The following MECOM variants were observed in gnomAD, a reference collection of about 807,000 sequenced individuals.
MECOM encodes the protein histone-lysine N-methyltransferase MECOM.
MECOM carries 13 observed loss-of-function variants against 116.3 expected under a neutral mutation model. That is an observed-to-expected ratio of 0.11 (90% CI 0.07 to 0.18). The LOEUF is 0.18. Ranked by LOEUF, MECOM falls within the 10% of genes least tolerant of loss-of-function variation. MECOM has a pLI of 1.00. For missense variants in MECOM, 1,299 were observed against 1,509.0 expected, an observed-to-expected ratio of 0.86 and a Z score of 2.31; for synonymous variants, 528 against 535.2, an observed-to-expected ratio of 0.99 and a Z score of 0.19.
chr3:169,305,902 G>A (rs749381436), intron 2 of MECOM, among the ~76,000 whole-genome samples: 10 of 151,476 alleles, frequency 6.6e-5, no homozygotes, highest in Non-Finnish European at 1.3e-4. Context: ...TGTAACAATG[G>A]CAGTTATTGG....
At chr3:169,529,726 T>C (rs1420270032) in intron 1 of MECOM, among the ~76,000 whole-genome samples, 5 of 152,202 alleles carry the variant, frequency 3.3e-5, no homozygotes, top group Non-Finnish European at 4.4e-5. Context: ...AGTGCTAACC[T>C]CACCCCTTAG....
chr3:169,116,439 C>G lies in MECOM; in HGVS notation c.1433G>C (p.Gly478Ala), dbSNP rs770615542. ...DYFGANRHPAGLTFPTAPGFS... is the reference protein window; with the variant it reads ...DYFGANRHPAALTFPTAPGFS... ...TCCAGGAGCTGTTGGAAAGGTAAGA[C>G]CAGCAGGATGCCTATTGGCGCCAAA... Residue 478 changes from glycine (G) to alanine (A), a missense_variant, in exon 8 of 17, where the codon GGT becomes GCT. Around this residue, in one of 6 missense-constraint regions of MECOM, gnomAD observed 238 missense variants for 273.1 expected, o/e 0.87. Coordinates refer to ENST00000651503, the MANE Select transcript of MECOM (RefSeq NM_004991.4). The G allele has an allele frequency of 5.0e-6, 8 of 1,614,136 alleles. No homozygotes were observed. Among genetic ancestry groups the G allele is most frequent in the Non-Finnish European group, 6.8e-6 (8 of 1,180,036 alleles).
intron 3 of MECOM, among the ~76,000 whole-genome samples, chr3:169,134,935 A>G (rs1735892920): frequency 6.6e-6 from 1 of 152,172 alleles, no homozygotes; most frequent in African/African-American, 2.4e-5. Flanking sequence ...CAGAAAATAT[A>G]CTTTTATGTT....
chr3:169,493,043 A>C (rs1236893536), intron 1 of MECOM, among the ~76,000 whole-genome samples: 1 of 152,228 alleles, frequency 6.6e-6, no homozygotes, highest in Non-Finnish European at 1.5e-5. Context: ...ATAGAAAGCT[A>C]TAGTCAGAAC....
At chr3:169,662,817 C>T (rs1482943671) in intron 1 of MECOM, among the ~76,000 whole-genome samples, 1 of 152,056 alleles carries the variant, frequency 6.6e-6, no homozygotes, top group Non-Finnish European at 1.5e-5. Flanking sequence ...GAGCCGCCTA[C>T]CCTACCCAAA....
intron 2 of MECOM, among the ~76,000 whole-genome samples, chr3:169,186,767 C>T (rs1746839997): frequency 6.6e-6 from 1 of 152,118 alleles, no homozygotes; most frequent in Admixed American, 6.5e-5. Flanking sequence ...CTTGCTCTGA[C>T]TCAGCTCCTC....
intron 1 of MECOM, among the ~76,000 whole-genome samples, chr3:169,629,717 G>C (rs1771846244): frequency 6.6e-6 from 1 of 152,158 alleles, no homozygotes; most frequent in African/African-American, 2.4e-5. Context: ...CACTGCCTCT[G>C]GAACTACTGA....
intron 1 of MECOM, among the ~76,000 whole-genome samples, chr3:169,533,408 T>C (rs1025710240): frequency 5.3e-5 from 8 of 152,134 alleles, no homozygotes; most frequent in Admixed American, 5.2e-4. Context: ...TGATTTTCCT[T>C]CTTTCCAACA....
intron 1 of MECOM, among the ~76,000 whole-genome samples, chr3:169,577,636 G>A (rs1040243329): frequency 6.6e-6 from 1 of 152,088 alleles, no homozygotes; most frequent in Non-Finnish European, 1.5e-5. Context: ...TGAATGATCC[G>A]ACAGTGCCTA....
intron 5 of MECOM, among the ~76,000 whole-genome samples, chr3:169,125,881 CAGA>C (rs1486516984): frequency 1.3e-5 from 2 of 151,988 alleles, no homozygotes; most frequent in Non-Finnish European, 2.9e-5. Flanking sequence ...GGATAGACAG[CAGA>C]AGAACAGATC....
intron 2 of MECOM, among the ~76,000 whole-genome samples, chr3:169,274,005 G>A (rs1469857517): frequency 6.8e-6 from 1 of 146,494 alleles, no homozygotes; most frequent in Non-Finnish European, 1.5e-5. Flanking sequence ...TCTGCCTCCC[G>A]GGTTCAAGTG....
chr3:169,101,006 C>T, intron 11 of MECOM, 44 bp from the exon 12 acceptor site: 1 of 1,402,426 alleles, frequency 7.1e-7, no homozygotes, highest in Non-Finnish European at 1.0e-6. Context: ...GCACAGTTGA[C>T]TATATTTCAC....
At chr3:169,222,384 T>G (rs925018792) in intron 2 of MECOM, among the ~76,000 whole-genome samples, 5 of 152,192 alleles carry the variant, frequency 3.3e-5, no homozygotes, top group African/African-American at 1.2e-4. Flanking sequence ...ATTCCTGCCA[T>G]TAGACAACAG....
intron 1 of MECOM, among the ~76,000 whole-genome samples, chr3:169,521,319 A>G (rs183983831): frequency 3.6e-4 from 55 of 152,174 alleles, no homozygotes; most frequent in African/African-American, 1.3e-3. Context: ...TGTCTTGATT[A>G]TTTTTGTATT....
At chr3:169,188,169 C>A (rs1250125288) in intron 2 of MECOM, among the ~76,000 whole-genome samples, 1 of 152,044 alleles carries the variant, frequency 6.6e-6, no homozygotes, top group East Asian at 1.9e-4. Flanking sequence ...TACCTGACAA[C>A]CTTTTTTCCT....
intron 16 of MECOM, among the ~76,000 whole-genome samples, chr3:169,085,915 G>T (rs1717568651): frequency 6.6e-6 from 1 of 152,064 alleles, no homozygotes; most frequent in Non-Finnish European, 1.5e-5. Context: ...GCTATTGTTG[G>T]TCTCATCCAT....
At chr3:169,297,937 C>A (rs566323730) in intron 2 of MECOM, among the ~76,000 whole-genome samples, 2 of 152,166 alleles carry the variant, frequency 1.3e-5, no homozygotes, top group African/African-American at 4.8e-5. Flanking sequence ...CCTAACATGA[C>A]AAAAGGAGAA....
intron 2 of MECOM, among the ~76,000 whole-genome samples, chr3:169,274,069 G>A (rs374858294): frequency 1.3e-5 from 2 of 151,824 alleles, no homozygotes; most frequent in Admixed American, 6.6e-5. Flanking sequence ...ATGCCACCAC[G>A]CCCAGCTAAT....
intron 5 of MECOM, among the ~76,000 whole-genome samples, chr3:169,127,442 T>C (rs1733229468): frequency 6.6e-6 from 1 of 152,154 alleles, no homozygotes; most frequent in Non-Finnish European, 1.5e-5. Context: ...ATCATTTACC[T>C]GTCATTAAGT....
Sources: allele counts gnomAD v4.1 joint callset (sites outside exome capture counted in the v4.1 genomes callset), GRCh38; gene constraint gnomAD v4.1.1; regional missense constraint gnomAD v4.1.1; transcripts MANE v1.5; gene names NCBI Gene and HGNC (gene_info 2026-07-23, HGNC 2026-07-21).